Variants in TGFA observed in about 807,000 individuals in gnomAD.
TGFA encodes protransforming growth factor alpha.
TGFA carries 12 observed loss-of-function variants against 21.7 expected under a neutral mutation model. The observed-to-expected ratio is 0.55, with a 90% CI of 0.35 to 0.90. The LOEUF (loss-of-function observed/expected upper bound fraction) is 0.90, where lower values mean the gene tolerates loss of function less well. TGFA is among the 40% of genes least tolerant of loss of function. The probability of loss-of-function intolerance (pLI) is 0.01; values close to 1 mark genes in which losing one functional copy is unlikely to be tolerated. For synonymous variants in TGFA, 79 were observed against 88.1 expected (o/e 0.90, Z 0.58); for missense variants, 178 against 210.8 (o/e 0.84, Z 0.96).
At chr2:70,494,462 A>G (rs1484039447) in intron 2 of TGFA, among the ~76,000 whole-genome samples, 1 of 152,234 alleles carries the variant, frequency 6.6e-6, no homozygotes, top group Non-Finnish European at 1.5e-5. Flanking sequence ...TGCAATGAAC[A>G]CTAAGCTAAG....
Position 70,454,159 on chromosome 2 carries a change from G to A in TGFA, c.366-832C>T, listed in dbSNP as rs148724480. On this transcript the variant is annotated intron_variant, in intron 4 of 5. Transcript: ENST00000295400. ...TCGTATATAATTTATGTATCCCTGG[G>A]CTAGGGTTGGAGTTAGGAGAAATTT... 2.7e-3 allele frequency among the ~76,000 whole-genome samples: 416 copies of A among 152,300 alleles called. 1 individual carries two copies. Among genetic ancestry groups the A allele is most frequent in the African/African-American group, 8.9e-3 (372 of 41,568 alleles).
At chr2:70,460,408 CTAA>C (rs1305609852) in intron 3 of TGFA, among the ~76,000 whole-genome samples, 1 of 151,846 alleles carries the variant, frequency 6.6e-6, no homozygotes, top group Non-Finnish European at 1.5e-5. Flanking sequence ...CAAGCTTCTA[CTAA>C]TATTAGACTT....
intron 2 of TGFA, among the ~76,000 whole-genome samples, chr2:70,485,969 G>A (rs1230758927): frequency 2.6e-5 from 4 of 152,188 alleles, no homozygotes; most frequent in Admixed American, 6.5e-5. Context: ...TCCTGGAACC[G>A]AGGACTCTTC....
intron 5 of TGFA, among the ~76,000 whole-genome samples, chr2:70,451,320 C>T (rs371378530): frequency 2.7e-4 from 41 of 152,176 alleles, no homozygotes; most frequent in African/African-American, 9.7e-4. Flanking sequence ...CTGTGTCTGT[C>T]GTGGTGAGGC....
chr2:70,487,690 G>T (rs1429589955), intron 2 of TGFA, among the ~76,000 whole-genome samples: 3 of 152,178 alleles, frequency 2.0e-5, no homozygotes, highest in African/African-American at 7.2e-5. Flanking sequence ...TTTGATGGCT[G>T]AAGTTTTCAT....
chr2:70,456,622 T>A, intron 3 of TGFA, 134 bp from the exon 4 acceptor site: 1 of 1,075,316 alleles, frequency 9.3e-7, no homozygotes, highest in Non-Finnish European at 1.3e-6. Context: ...CTTTTGCAAT[T>A]GGAGGGAAAG....
chr2:70,482,558 C>T (rs1326838736), intron 2 of TGFA, among the ~76,000 whole-genome samples: 1 of 152,198 alleles, frequency 6.6e-6, no homozygotes, highest in Admixed American at 6.5e-5. Context: ...CAGCTAAGGC[C>T]TCTGGCTGTT....
chr2:70,544,248 C>G (rs782414535), intron 1 of TGFA, among the ~76,000 whole-genome samples: 3 of 151,808 alleles, frequency 2.0e-5, no homozygotes, highest in Non-Finnish European at 4.4e-5. Flanking sequence ...TTTAAGAAAC[C>G]ATGCTCTTAA....
At chr2:70,546,255 A>C (rs1673298455) in intron 1 of TGFA, among the ~76,000 whole-genome samples, 1 of 64,936 alleles carries the variant, frequency 1.5e-5, no homozygotes, top group African/African-American at 5.0e-5. Context: ...AGACACTGGA[A>C]CCTGCCCTTT....
At chr2:70,485,976 C>T (rs1343452274) in intron 2 of TGFA, among the ~76,000 whole-genome samples, 3 of 152,186 alleles carry the variant, frequency 2.0e-5, no homozygotes, top group Non-Finnish European at 4.4e-5. Flanking sequence ...ACCGAGGACT[C>T]TTCTACACTC....
At position 70,534,894 on chromosome 2, in the gene TGFA, C is replaced by G. The variant is rs114214726; in HGVS notation, c.40+18834G>C. On this transcript the variant is annotated intron_variant, in intron 1 of 5. Transcript: ENST00000295400. ...ACTCCAGGCACCTCAGCATCCACAG[C>G]CTTCCACAGGCTGATATGGAGAGTC... Among the ~76,000 whole-genome samples, 1,287 of 152,248 alleles carry G rather than the reference C, an allele frequency of 8.5e-3. 18 individuals are homozygous for G. Among genetic ancestry groups the G allele is most frequent in the African/African-American group, 0.03 (1,241 of 41,524 alleles).
chr2:70,497,418 A>C (rs782689345), intron 2 of TGFA, among the ~76,000 whole-genome samples: 2 of 152,224 alleles, frequency 1.3e-5, no homozygotes, highest in Non-Finnish European at 2.9e-5. Flanking sequence ...ATTTCTGTTC[A>C]ATTCAGTGAA....
At chr2:70,521,166 C>G (rs190328678) in intron 1 of TGFA, among the ~76,000 whole-genome samples, 2 of 152,288 alleles carry the variant, frequency 1.3e-5, no homozygotes, top group East Asian at 3.9e-4. Context: ...ATCCTCTAAG[C>G]TCTCCATGGG....
chr2:70,476,626 A>C (rs1670942777), intron 2 of TGFA, among the ~76,000 whole-genome samples: 1 of 152,144 alleles, frequency 6.6e-6, no homozygotes, highest in African/African-American at 2.4e-5. Context: ...AGCACATATA[A>C]GCGCTATTGG....
intron 2 of TGFA, among the ~76,000 whole-genome samples, chr2:70,471,557 G>T (rs1304487358): frequency 1.3e-5 from 2 of 152,196 alleles, no homozygotes; most frequent in Non-Finnish European, 2.9e-5. Flanking sequence ...GTTTGTCTTA[G>T]ATCCTCCCAG....
intron 2 of TGFA, among the ~76,000 whole-genome samples, chr2:70,505,997 A>G (rs782749491): frequency 4.6e-5 from 7 of 152,202 alleles, no homozygotes; most frequent in Non-Finnish European, 1.0e-4. Context: ...AAATAGCTGC[A>G]GGTCTCTTCA....
At chr2:70,481,273 TACTC>T (rs1401491440) in intron 2 of TGFA, among the ~76,000 whole-genome samples, 2 of 152,182 alleles carry the variant, frequency 1.3e-5, no homozygotes, top group African/African-American at 4.8e-5. Context: ...ACTCTTCCAG[TACTC>T]AGGGGCTCAG....
intron 2 of TGFA, among the ~76,000 whole-genome samples, chr2:70,470,046 C>A: frequency 6.7e-6 from 1 of 150,148 alleles, no homozygotes. Flanking sequence ...GGAGAAACAG[C>A]GAGAAGGAGA....
At chr2:70,512,071 T>C (rs370262831) in intron 2 of TGFA, among the ~76,000 whole-genome samples, 3 of 152,102 alleles carry the variant, frequency 2.0e-5, no homozygotes, top group East Asian at 3.9e-4. Context: ...GCCTGAGCAG[T>C]CCTCTAGGGG....
Sources: allele counts gnomAD v4.1 joint callset (sites outside exome capture counted in the v4.1 genomes callset), GRCh38; gene constraint gnomAD v4.1.1; transcripts MANE v1.5; gene names NCBI Gene and HGNC (gene_info 2026-07-23, HGNC 2026-07-21).